The following AKAP13 variants were observed in gnomAD, a reference collection of about 807,000 sequenced individuals.
AKAP13 encodes A-kinase anchoring protein 13, also known as A-kinase anchor protein 13.
In AKAP13, 80 loss-of-function variants were observed where a neutral mutation model predicts 264.5. The observed-to-expected ratio is 0.30, with a 90% confidence interval of 0.25 to 0.36. The LOEUF (loss-of-function observed/expected upper bound fraction) is 0.36. AKAP13 is among the 10% of genes least tolerant of loss of function. The probability of loss-of-function intolerance (pLI) is 1.00; values close to 1 mark genes in which losing one functional copy is unlikely to be tolerated. For synonymous variants in AKAP13, 1,380 were observed against 1,250.2 expected (o/e 1.10, Z -2.19); for missense variants, 3,712 against 3,435.2 (o/e 1.08, Z -2.01).
At chr15:85,452,963 A>T (rs2074144003) in intron 1 of AKAP13, among the ~76,000 whole-genome samples, 1 of 151,972 alleles carries the variant, frequency 6.6e-6, no homozygotes, top group Non-Finnish European at 1.5e-5. Flanking sequence ...CACCTCAGAG[A>T]GATGCAGGTG....
Position 85,464,707 on chromosome 15 carries a change from T to C in AKAP13, c.-11-21003T>C, listed in dbSNP as rs531413385. 2.0e-5 allele frequency among the ~76,000 whole-genome samples: 3 copies of C among 152,332 alleles called. No individual in the cohort carries two copies. The East Asian group carries it at 5.8e-4, about 29-fold the overall frequency. Reference sequence around the variant, plus strand: ...TAACTCGGAAGCAGTGTAACTAGAATTTAACCTCAGGCAGTCTGATACCAG... The same window carrying C: ...TAACTCGGAAGCAGTGTAACTAGAACTTAACCTCAGGCAGTCTGATACCAG... On this transcript the variant is annotated intron_variant, in intron 1 of 36. Coordinates refer to ENST00000394518, the MANE Select transcript of AKAP13 (RefSeq NM_007200.5).
intron 14 of AKAP13, among the ~76,000 whole-genome samples, chr15:85,671,151 C>G (rs1375852125): frequency 1.3e-5 from 2 of 151,472 alleles, no homozygotes; most frequent in Non-Finnish European, 2.9e-5. Context: ...CTCATTGTTC[C>G]CTGATATAAT....
At chr15:85,391,826 C>G (rs1395087769) in intron 1 of AKAP13, among the ~76,000 whole-genome samples, 3 of 151,746 alleles carry the variant, frequency 2.0e-5, no homozygotes. Context: ...GCTTTGTCAC[C>G]CAGGCTGGAG....
intron 8 of AKAP13, among the ~76,000 whole-genome samples, chr15:85,630,152 T>A (rs867091393): frequency 2.7e-5 from 4 of 148,604 alleles, no homozygotes; most frequent in Non-Finnish European, 5.9e-5. Flanking sequence ...CTCTATTCTC[T>A]GTTTTTTAAC....
At chr15:85,422,260 TAGAG>T (rs1214729900) in intron 1 of AKAP13, among the ~76,000 whole-genome samples, 1 of 152,068 alleles carries the variant, frequency 6.6e-6, no homozygotes, top group Non-Finnish European at 1.5e-5. Context: ...AGGTGTGCAT[TAGAG>T]AGCAGAGAGG....
intron 8 of AKAP13, among the ~76,000 whole-genome samples, chr15:85,632,901 CTG>C (rs1239587151): frequency 2.0e-5 from 3 of 151,246 alleles, no homozygotes; most frequent in Non-Finnish European, 2.9e-5. Context: ...GAATCTTGCT[CTG>C]TCGCTAGGCT....
intron 1 of AKAP13, among the ~76,000 whole-genome samples, chr15:85,451,359 A>G (rs975202238): frequency 1.3e-5 from 2 of 152,108 alleles, no homozygotes; most frequent in African/African-American, 4.8e-5. Context: ...GGGGGCATTT[A>G]GCCTGTTTAC....
At chr15:85,625,664 C>G (rs1365889874) in intron 8 of AKAP13, among the ~76,000 whole-genome samples, 1 of 152,140 alleles carries the variant, frequency 6.6e-6, no homozygotes, top group Non-Finnish European at 1.5e-5. Context: ...GAGTTCAAGA[C>G]CAGCCTGAGC....
chr15:85,547,328 G>T (rs568949784), intron 5 of AKAP13, among the ~76,000 whole-genome samples: 1 of 151,524 alleles, frequency 6.6e-6, no homozygotes. Flanking sequence ...TAAGTGGGGT[G>T]TGGGGAGCCT....
At chr15:85,487,569 TTTTA>T (rs1400261187) in intron 2 of AKAP13, among the ~76,000 whole-genome samples, 6 of 152,216 alleles carry the variant, frequency 3.9e-5, no homozygotes, top group Admixed American at 1.3e-4. Flanking sequence ...ATTAAATAGT[TTTTA>T]TTTATTTATG....
intron 30 of AKAP13, among the ~76,000 whole-genome samples, chr15:85,732,425 C>G (rs2088111889): frequency 1.3e-5 from 2 of 148,646 alleles, no homozygotes. Flanking sequence ...TGGGGAAAAA[C>G]ATATATATAA....
intron 4 of AKAP13, among the ~76,000 whole-genome samples, chr15:85,543,039 A>G (rs567308443): frequency 1.3e-5 from 2 of 152,186 alleles, no homozygotes; most frequent in Non-Finnish European, 2.9e-5. Context: ...TCATTCTGTC[A>G]CTTTCAGAGT....
chr15:85,584,661 A>T (rs926988020), intron 7 of AKAP13, among the ~76,000 whole-genome samples: 1 of 152,256 alleles, frequency 6.6e-6, no homozygotes, highest in South Asian at 2.1e-4. Flanking sequence ...AAAGAGGTTC[A>T]TCTATAGAAA....
Position 85,748,163 on chromosome 15 carries a change from A to AGTT in AKAP13, c.*3488_*3490dup, listed in dbSNP as rs2089424449. On this transcript the variant is annotated 3_prime_UTR_variant, in exon 37 of 37. Transcript: ENST00000394518. Reference sequence around the variant, plus strand: ...CCAAGGATTTTAGTATTTGCATTGGAGTTGAGGTTTACTCTAATGATGGTG... The same window carrying AGTT: ...CCAAGGATTTTAGTATTTGCATTGGAGTTGTTGAGGTTTACTCTAATGATGGTG... 1 of 152,082 alleles carries AGTT rather than the reference A, an allele frequency of 6.6e-6. No homozygotes were observed. The highest frequency in any genetic ancestry group is 2.4e-5 in the African/African-American group (1 of 41,384). 9.4% of individuals were successfully genotyped at this position (152,082 alleles called of 1,614,324 possible).
intron 1 of AKAP13, among the ~76,000 whole-genome samples, chr15:85,450,282 A>T (rs1375287754): frequency 6.6e-6 from 1 of 151,694 alleles, no homozygotes; most frequent in African/African-American, 2.4e-5. Flanking sequence ...GTCACTTCTA[A>T]TTGTGTTTAT....
In AKAP13 at chr15:85,723,496, T is replaced by C. The variant is rs538704183; in HGVS notation, c.6745+176T>C. ...ATCTTATATCAAAAATGGTTTGTGA[T>C]GGCCTGCAAAATCATACAAAATAGA... On this transcript the variant is annotated intron_variant, in intron 26 of 36. Coordinates refer to ENST00000394518, the MANE Select transcript of AKAP13 (RefSeq NM_007200.5). Among the ~76,000 whole-genome samples the C allele has an allele frequency of 2.0e-5, 3 of 152,294 alleles. No individual in the cohort carries two copies. The East Asian group carries it at 5.8e-4, about 29-fold the overall frequency.
chr15:85,683,350 A>G (rs554145206), intron 15 of AKAP13, among the ~76,000 whole-genome samples: 2 of 152,356 alleles, frequency 1.3e-5, no homozygotes, highest in South Asian at 4.1e-4. Context: ...CCTAGAGGCA[A>G]TCACTGCTGT....
intron 3 of AKAP13, among the ~76,000 whole-genome samples, chr15:85,529,157 G>A (rs2151180970): frequency 6.6e-6 from 1 of 152,292 alleles, no homozygotes; most frequent in African/African-American, 2.4e-5. Context: ...CAGGCACGGT[G>A]TAAGGTGTAA....
chr15:85,423,363 G>A (rs1382218265), intron 1 of AKAP13, among the ~76,000 whole-genome samples: 2 of 152,196 alleles, frequency 1.3e-5, no homozygotes, highest in Non-Finnish European at 2.9e-5. Flanking sequence ...CTAACTTTAT[G>A]TAATACTGTA....
Sources: gnomAD v4.1 joint callset for allele counts (sites outside exome capture counted in the v4.1 genomes callset) on GRCh38, gnomAD v4.1.1 for gene constraint, MANE v1.5 for transcripts, NCBI Gene and HGNC (gene_info 2026-07-23, HGNC 2026-07-21) for gene names.